NTRK3: variants seen among roughly 807,000 people sequenced by gnomAD.
The protein encoded by NTRK3 is NT-3 growth factor receptor.
In NTRK3, 24 loss-of-function variants were observed where a neutral mutation model predicts 91.7. The observed-to-expected ratio is 0.26, with a 90% CI of 0.19 to 0.37. The LOEUF (loss-of-function observed/expected upper bound fraction) is 0.37. NTRK3 is among the 10% of genes least tolerant of loss of function. The pLI is 1.00. For missense variants in NTRK3, 880 were observed against 1,068.9 expected (o/e 0.82, Z 2.46); for synonymous variants, 483 against 404.0 (o/e 1.20, Z -2.34).
At chr15:88,070,736 A>G (rs1437389077) in intron 13 of NTRK3, among the ~76,000 whole-genome samples, 1 of 152,134 alleles carries the variant, frequency 6.6e-6, no homozygotes, top group Non-Finnish European at 1.5e-5. Context: ...GAAGCCTGGT[A>G]GTAAAAGCCT....
At chr15:87,943,443 G>A (rs542164389) in intron 14 of NTRK3, among the ~76,000 whole-genome samples, 8 of 152,068 alleles carry the variant, frequency 5.3e-5, no homozygotes, top group African/African-American at 1.9e-4. Flanking sequence ...ATGCAGTGCA[G>A]ATCATGCCTC....
At chr15:88,041,824 T>TAA (rs35696268) in intron 13 of NTRK3, among the ~76,000 whole-genome samples, 2,298 of 90,040 alleles carry the variant, frequency 0.026, 58 homozygotes, top group African/African-American at 0.056. Context: ...AAGTCCCTCA[T>TAA]AAAAAAAAAA....
At chr15:87,971,540 C>T (rs536779647) in intron 14 of NTRK3, among the ~76,000 whole-genome samples, 2 of 152,332 alleles carry the variant, frequency 1.3e-5, no homozygotes, top group East Asian at 3.9e-4. Flanking sequence ...TCACCCTTGC[C>T]TTGACTTTGG....
exon 19 of NTRK3, chr15:87,876,891 A>G (rs771790402): frequency 1.9e-6 from 3 of 1,601,990 alleles, no homozygotes; most frequent in African/African-American, 2.7e-5. Flanking sequence ...TGAGGCAGGG[A>G]GAGAGGAGGC....
At chr15:87,970,658 T>C (rs761884958) in intron 14 of NTRK3, among the ~76,000 whole-genome samples, 16 of 152,216 alleles carry the variant, frequency 1.1e-4, no homozygotes, top group Non-Finnish European at 1.9e-4. Context: ...ATGCAAACTG[T>C]GAAACTCTAA....
At chr15:88,159,558 T>A (rs1246614991) in intron 5 of NTRK3, among the ~76,000 whole-genome samples, 3 of 152,208 alleles carry the variant, frequency 2.0e-5, no homozygotes, top group Non-Finnish European at 4.4e-5. Context: ...GAAATTTTGT[T>A]TTCCCCATGG....
chr15:87,964,968 A>T (rs571779551), intron 14 of NTRK3, among the ~76,000 whole-genome samples: 1 of 152,214 alleles, frequency 6.6e-6, no homozygotes. Context: ...GTGTGTGTGT[A>T]TATGTGTGTA....
chr15:88,093,468 G>A lies in NTRK3; in HGVS notation c.1396+32803C>T, dbSNP rs76193043. On this transcript the variant is annotated intron_variant, in intron 13 of 18. Transcript: ENST00000394480. ...CTTGCTCACTTACTCTTCTTCTCAT[G>A]CTTATGGATGGGTGTCAGTTTCTCT... 8.3e-3 allele frequency among the ~76,000 whole-genome samples: 1,257 copies of A among 152,304 alleles called. 19 individuals are homozygous for A. Among genetic ancestry groups the A allele is most frequent in the African/African-American group, 0.029 (1,191 of 41,558 alleles).
rs116213077 is a variant in NTRK3 at position 88,074,083 on chromosome 15, C to T, written c.1397-41038G>A. Among the ~76,000 whole-genome samples the T allele has an allele frequency of 8.1e-3, 1,232 of 152,274 alleles. 19 individuals are homozygous for T. The highest frequency in any genetic ancestry group is 0.028 in the African/African-American group (1,172 of 41,550). ...GGTGCTACCAGCCCCTGATGAACAC[C>T]GACCATGTGCCAAGCGCCATGGAGC... On this transcript the variant is annotated intron_variant, in intron 13 of 18. Coordinates refer to ENST00000394480, the Ensembl canonical transcript of NTRK3.
intron 13 of NTRK3, among the ~76,000 whole-genome samples, chr15:88,035,220 T>C (rs1241424701): frequency 6.6e-6 from 1 of 152,188 alleles, no homozygotes; most frequent in Non-Finnish European, 1.5e-5. Context: ...AAAGGATCAC[T>C]ATGTGAAAGG....
Position 88,135,146 on chromosome 15 carries a change from C to T in NTRK3, c.1159G>A (p.Ala387Thr), listed in dbSNP as rs1450125224. The change falls in exon 10 of 19, where the codon GCC becomes ACC. Residue 387 changes from alanine (A) to threonine (T), a missense_variant. This residue lies in a region of NTRK3 where 743 missense variants were observed against 868.6 expected (regional missense o/e 0.86). Transcript: ENST00000394480. ...AAGTGGCCATTGATGGTCTGGTTGGCTGTGCCCAGTGGGTTTTTGGCAATG... is the reference window on the plus strand; with the variant it reads ...AAGTGGCCATTGATGGTCTGGTTGGTTGTGCCCAGTGGGTTTTTGGCAATG... The T allele has an allele frequency of 1.9e-6, 3 of 1,614,144 alleles. No homozygotes were observed. In the South Asian group the frequency reaches 3.3e-5, roughly 18 times the overall value.
intron 18 of NTRK3, among the ~76,000 whole-genome samples, chr15:87,878,595 T>C (rs1243634981): frequency 6.6e-6 from 1 of 152,230 alleles, no homozygotes; most frequent in Non-Finnish European, 1.5e-5. Flanking sequence ...CAAAGGCACC[T>C]GGGAGTGTCT....
At chr15:87,862,223 A>G (rs1408364890) in exon 19 of NTRK3, 1 of 222,054 alleles carries the variant, frequency 4.5e-6, no homozygotes, top group Non-Finnish European at 9.0e-6. Flanking sequence ...AGGACAAGGA[A>G]TGGAAGGAAT....
At chr15:88,154,251 G>C (rs1004426238) in intron 5 of NTRK3, among the ~76,000 whole-genome samples, 3 of 152,116 alleles carry the variant, frequency 2.0e-5, no homozygotes, top group African/African-American at 7.2e-5. Flanking sequence ...CCACACCAGA[G>C]GTATCTGCAG....
At chr15:87,983,855 C>T (rs144230301) in intron 14 of NTRK3, among the ~76,000 whole-genome samples, 3 of 152,272 alleles carry the variant, frequency 2.0e-5, no homozygotes, top group African/African-American at 7.2e-5. Flanking sequence ...GCAGGGCTTT[C>T]TTACCTTATT....
chr15:87,910,025 A>T (rs976001189), intron 17 of NTRK3, among the ~76,000 whole-genome samples: 14 of 152,204 alleles, frequency 9.2e-5, no homozygotes, highest in Non-Finnish European at 1.9e-4. Flanking sequence ...CAAAGGTGGA[A>T]ATAAGCAACT....
intron 3 of NTRK3, among the ~76,000 whole-genome samples, chr15:88,224,971 G>T (rs2050549665): frequency 1.3e-5 from 2 of 152,188 alleles, no homozygotes; most frequent in Admixed American, 6.5e-5. Flanking sequence ...GGGCTATTTT[G>T]ATCCTGTTTG....
At chr15:87,910,068 A>G (rs954910486) in intron 17 of NTRK3, among the ~76,000 whole-genome samples, 1 of 152,174 alleles carries the variant, frequency 6.6e-6, no homozygotes, top group African/African-American at 2.4e-5. Flanking sequence ...ACTGGCTGGG[A>G]TGGAGCCAAG....
intron 3 of NTRK3, among the ~76,000 whole-genome samples, chr15:88,219,407 G>A (rs540305060): frequency 6.6e-6 from 1 of 152,344 alleles, no homozygotes; most frequent in African/African-American, 2.4e-5. Context: ...TGCTGCAACT[G>A]ATGAGGCATC....
Sources: gnomAD v4.1 joint callset for allele counts (sites outside exome capture counted in the v4.1 genomes callset) on GRCh38, gnomAD v4.1.1 for gene constraint, gnomAD v4.1.1 regional missense constraint, MANE v1.5 for transcripts, NCBI Gene and HGNC (gene_info 2026-07-23, HGNC 2026-07-21) for gene names.